The following ABHD2 variants were observed in gnomAD, a reference collection of about 807,000 sequenced individuals.
ABHD2 encodes the protein abhydrolase domain containing 2, acylglycerol lipase, also known as monoacylglycerol lipase ABHD2.
A neutral mutation model predicts 48.1 loss-of-function variants in ABHD2; 20 were observed. The ratio of observed to expected loss-of-function variants is 0.42; its 90% CI spans 0.29 to 0.60. ABHD2 has a LOEUF of 0.60. ABHD2 is among the 20% of genes least tolerant of loss of function. The pLI is 0.24. For synonymous variants in ABHD2, 209 were observed against 214.2 expected, an observed-to-expected ratio of 0.98 and a Z score of 0.21; for missense variants, 405 against 550.9, an observed-to-expected ratio of 0.74 and a Z score of 2.65.
chr15:89,044,195 T>C, the ABHD2 span, among the ~76,000 whole-genome samples: 1 of 152,202 alleles, frequency 6.6e-6, no homozygotes, highest in African/African-American at 2.4e-5. Flanking sequence ...AGAGTGATGA[T>C]TTCCAGTTTC....
Position 89,167,365 on chromosome 15 carries a change from AAGGGAGAGAGAG to A in ABHD2, c.539-8445_539-8434del, listed in dbSNP as rs1314470923. Among the ~76,000 whole-genome samples, 2 of 152,130 alleles carry A rather than the reference AAGGGAGAGAGAG, an allele frequency of 1.3e-5. No individual in the cohort carries two copies. The highest frequency in any genetic ancestry group is 2.9e-5 in the Non-Finnish European group (2 of 68,018). On this transcript the variant is annotated intron_variant, in intron 5 of 10. Coordinates refer to ENST00000352732, the MANE Select transcript of ABHD2 (RefSeq NM_152924.5). This position sits in a 1 kb window ranked among gnomAD's most constrained non-coding sequence, Gnocchi z 5.5. Reference sequence around the variant, plus strand: ...GGAAGGGAGGAGGAAGAGATGGGTGAAGGGAGAGAGAGAATGTGAAAGTGAAGGTAGTGAGTT... The same window carrying A: ...GGAAGGGAGGAGGAAGAGATGGGTGAAATGTGAAAGTGAAGGTAGTGAGTT...
At chr15:89,090,868 G>T (rs114889534) in intron 1 of ABHD2, among the ~76,000 whole-genome samples, 1 of 152,124 alleles carries the variant, frequency 6.6e-6, no homozygotes, top group Middle Eastern at 3.2e-3. Flanking sequence ...AGTGCTTTTC[G>T]GAAGTTCAGG....
chr15:89,198,797 C>G lies in ABHD2; in HGVS notation c.*3374C>G, dbSNP rs920658526. 2 of 152,222 alleles carry G rather than the reference C, an allele frequency of 1.3e-5. No individual in the cohort carries two copies. Among genetic ancestry groups the G allele is most frequent in the South Asian group, 4.1e-4 (2 of 4,834 alleles). The allele number at this position is 152,222 out of a possible 1,614,324, so 9.4% of individuals were successfully genotyped here. On this transcript the variant is annotated 3_prime_UTR_variant, in exon 11 of 11. Coordinates refer to ENST00000352732, the MANE Select transcript of ABHD2 (RefSeq NM_152924.5). The surrounding 1 kb of genome is among the most constrained non-coding windows in gnomAD (Gnocchi z 5.1). The stretch of plus-strand genomic sequence containing the variant: ...AGGTGGAAACAGCTGTGTCAAGGCT[C>G]AAGGCTCACGCTGAGGGGACTTGGA...
At chr15:89,111,655 A>G (rs2049876896) in intron 1 of ABHD2, among the ~76,000 whole-genome samples, 1 of 152,078 alleles carries the variant, frequency 6.6e-6, no homozygotes, top group Non-Finnish European at 1.5e-5. Context: ...AGCTTTCCCA[A>G]AAATTAGATC....
Position 89,179,351 on chromosome 15 carries a change from T to C in ABHD2, c.722+3356T>C, listed in dbSNP as rs1002400220. 1.3e-5 allele frequency among the ~76,000 whole-genome samples: 2 copies of C among 152,178 alleles called. No individual in the cohort carries two copies. The highest frequency in any genetic ancestry group is 4.8e-5 in the African/African-American group (2 of 41,436). On this transcript the variant is annotated intron_variant, in intron 6 of 10. Transcript: ENST00000352732. This position sits in a 1 kb window ranked among gnomAD's most constrained non-coding sequence, Gnocchi z 4.3. ...CATCTGTATTTAGTCTCATTCCCCA[T>C]TGATCACATTACTGCCTGAGTTCCG...
At chr15:89,178,729 C>T (rs2051058227) in intron 6 of ABHD2, among the ~76,000 whole-genome samples, 1 of 152,224 alleles carries the variant, frequency 6.6e-6, no homozygotes, top group Admixed American at 6.5e-5. Flanking sequence ...CAGACTTTAA[C>T]ATGTTCCCTC....
rs1901605867 is a variant in ABHD2 at position 89,091,752 on chromosome 15, C to T, written c.-107+3189C>T. On this transcript the variant is annotated intron_variant, in intron 1 of 10. Transcript: ENST00000352732. The surrounding 1 kb of genome is among the most constrained non-coding windows in gnomAD (Gnocchi z 5.5). ...TTGTGTGGCAGAATTTCTACCATGA[C>T]CTACAGCTTACAGTATTCCCATTTT... Among the ~76,000 whole-genome samples, 1 of 152,194 alleles carries T rather than the reference C, an allele frequency of 6.6e-6. No individual in the cohort carries two copies. Among genetic ancestry groups the T allele is most frequent in the South Asian group, 2.1e-4 (1 of 4,836 alleles).
At chr15:89,193,786 C>CA (rs1243644209) in intron 10 of ABHD2, among the ~76,000 whole-genome samples, 2 of 152,008 alleles carry the variant, frequency 1.3e-5, no homozygotes, top group East Asian at 1.9e-4. Flanking sequence ...CCTATCTCTA[C>CA]AAAAAACTTA....
chr15:89,193,403 C>T, intron 10 of ABHD2, 84 bp downstream of exon 10: 1 of 1,054,794 alleles, frequency 9.5e-7, no homozygotes, highest in South Asian at 1.3e-5. Context: ...CTGTCATCTC[C>T]TGGAGACCAC....
At chr15:89,063,231 G>A in the ABHD2 span, among the ~76,000 whole-genome samples, 1 of 151,342 alleles carries the variant, frequency 6.6e-6, no homozygotes, top group African/African-American at 2.4e-5. Flanking sequence ...GCCTCCTAAA[G>A]TGTTGGGATT....
rs1356626405 is a variant in ABHD2, at chr15:89,202,214, C to T, written c.*6791C>T. ...AGAAATTATACTAAACATTGATGTC[C>T]TTGATCATTTTATGTTCTCATATTA... On this transcript the variant is annotated 3_prime_UTR_variant, in exon 11 of 11. Coordinates refer to ENST00000352732, the MANE Select transcript of ABHD2 (RefSeq NM_152924.5). The T allele has an allele frequency of 6.4e-6, 1 of 156,912 alleles. No homozygotes were observed. Among genetic ancestry groups the T allele is most frequent in the African/African-American group, 2.4e-5 (1 of 41,452 alleles). 9.7% of individuals were successfully genotyped at this position (156,912 alleles called of 1,614,324 possible). A position where few individuals can be genotyped will look rare whatever the true frequency, so the allele number is the denominator to read the frequency against.
At position 89,195,486 on chromosome 15, in the gene ABHD2, GTT is replaced by G; in HGVS notation, c.*65_*66del. ...TGGAAGCTGCGTCCCCTCACCCCCT[GTT>G]TCAGGTCTCCCATCTCCCTCAGTGA... On this transcript the variant is annotated 3_prime_UTR_variant, in exon 11 of 11. Transcript: ENST00000352732. The surrounding 1 kb of genome is among the most constrained non-coding windows in gnomAD (Gnocchi z 5.1). The G allele has an allele frequency of 6.5e-7, 1 of 1,536,004 alleles. No homozygotes were observed.
rs1353481798 is a variant in ABHD2 at position 89,189,247 on chromosome 15, G to A, written c.926+944G>A. Among the ~76,000 whole-genome samples the A allele has an allele frequency of 6.6e-6, 1 of 152,212 alleles. No homozygotes were observed. Among genetic ancestry groups the A allele is most frequent in the East Asian group, 1.9e-4 (1 of 5,194 alleles). On this transcript the variant is annotated intron_variant, in intron 8 of 10. Transcript: ENST00000352732. The surrounding 1 kb of genome is among the most constrained non-coding windows in gnomAD (Gnocchi z 4.9). ...TGCCTGTAATTCCAGCACTTGGGGAGGCTGAGGCTGGAGGATCACATGAGG... is the reference window on the plus strand; with the variant it reads ...TGCCTGTAATTCCAGCACTTGGGGAAGCTGAGGCTGGAGGATCACATGAGG...
chr15:89,110,081 T>C (rs2049848911), intron 1 of ABHD2, among the ~76,000 whole-genome samples: 1 of 152,172 alleles, frequency 6.6e-6, no homozygotes, highest in African/African-American at 2.4e-5. Context: ...TTTTCTCTTA[T>C]TTTCTTTTTT....
At position 89,094,269 on chromosome 15, in the gene ABHD2, A is replaced by T. The variant is rs1156539223; in HGVS notation, c.-107+5706A>T. 6.6e-6 allele frequency: 1 copy of T among 152,232 alleles called. No homozygotes were observed. The highest frequency in any genetic ancestry group is 1.5e-5 in the Non-Finnish European group (1 of 68,046). The allele number at this position is 152,232 out of a possible 1,614,324, so 9.4% of individuals were successfully genotyped here. ...CCTCTCATTTTATCTTGGATAAAAG[A>T]GAAGCTTTGAAAGATTGCCTCCCTA... On this transcript the variant is annotated intron_variant, in intron 1 of 10. Coordinates refer to ENST00000352732, the MANE Select transcript of ABHD2 (RefSeq NM_152924.5). The surrounding 1 kb of genome is among the most constrained non-coding windows in gnomAD (Gnocchi z 4.7).
intron 6 of ABHD2, among the ~76,000 whole-genome samples, chr15:89,180,790 C>T (rs2051097820): frequency 6.6e-6 from 1 of 152,218 alleles, no homozygotes; most frequent in Non-Finnish European, 1.5e-5. Context: ...TACTCTCTTA[C>T]AGTGCCCAAA....
chr15:89,147,588 C>G (rs899269939), intron 3 of ABHD2, among the ~76,000 whole-genome samples: 3 of 150,988 alleles, frequency 2.0e-5, no homozygotes, highest in Admixed American at 1.3e-4. Flanking sequence ...CTCCTGACCT[C>G]GTGATCCGCC....
chr15:89,138,446 G>A (rs1434004102), intron 3 of ABHD2, among the ~76,000 whole-genome samples: 1 of 152,090 alleles, frequency 6.6e-6, no homozygotes, highest in Non-Finnish European at 1.5e-5. Context: ...CACTGTCATC[G>A]CTCTCCTGGA....
At position 89,116,480 on chromosome 15, in the gene ABHD2, C is replaced by A; in HGVS notation, c.153C>A (p.Leu51=). The A allele has an allele frequency of 6.2e-7, 1 of 1,614,208 alleles. No individual in the cohort carries two copies. The highest frequency in any genetic ancestry group is 8.5e-7 in the Non-Finnish European group (1 of 1,180,026). ...ACCTCTACTTCCAGGACTCGGGGCTCTCACGCTTTCTGCTCAAGTCCTGTC... is the reference window on the plus strand; with the variant it reads ...ACCTCTACTTCCAGGACTCGGGGCTATCACGCTTTCTGCTCAAGTCCTGTC... ...PPDLYFQDSG[L]SRFLLKSCPL... Residue 51 remains leucine (L), a synonymous_variant, in exon 3 of 11, where the codon CTC becomes CTA. Coordinates refer to ENST00000352732, the MANE Select transcript of ABHD2 (RefSeq NM_152924.5). This position sits in a 1 kb window ranked among gnomAD's most constrained non-coding sequence, Gnocchi z 4.6.
Sources: gnomAD v4.1 joint callset for allele counts (sites outside exome capture counted in the v4.1 genomes callset) on GRCh38, gnomAD v4.1.1 for gene constraint, Gnocchi (gnomAD v3.1) non-coding constraint, MANE v1.5 for transcripts, NCBI Gene and HGNC (gene_info 2026-07-23, HGNC 2026-07-21) for gene names.